Variants in ATP2B2 observed in about 807,000 individuals in gnomAD.
The protein encoded by ATP2B2 is plasma membrane calcium-transporting ATPase 2.
In ATP2B2, 15 loss-of-function variants were observed where a neutral mutation model predicts 120.0. The observed-to-expected ratio is 0.12, with a 90% CI of 0.08 to 0.19. The LOEUF (loss-of-function observed/expected upper bound fraction) is 0.19, where lower values mean the gene tolerates loss of function less well. ATP2B2 is among the 10% of genes least tolerant of loss of function. The probability of loss-of-function intolerance (pLI) is 1.00; values close to 1 mark genes in which losing one functional copy is unlikely to be tolerated. For synonymous variants in ATP2B2, 694 were observed against 700.3 expected, an observed-to-expected ratio of 0.99 and a Z score of 0.14; for missense variants, 1,045 against 1,719.8, an observed-to-expected ratio of 0.61 and a Z score of 6.94.
At chr3:10,640,205 C>T (rs531046470) in intron 1 of ATP2B2, among the ~76,000 whole-genome samples, 59 of 152,222 alleles carry the variant, frequency 3.9e-4, no homozygotes, top group South Asian at 1.7e-3. Flanking sequence ...GGATTTGAAC[C>T]GATGTCTATC....
intron 2 of ATP2B2, among the ~76,000 whole-genome samples, chr3:10,442,981 T>C (rs747524703): frequency 1.3e-5 from 2 of 152,186 alleles, no homozygotes; most frequent in African/African-American, 4.8e-5. Flanking sequence ...TAAGAAGTGG[T>C]GCCAGGATTT....
At chr3:10,619,761 G>A (rs1025653961) in intron 2 of ATP2B2, among the ~76,000 whole-genome samples, 7 of 152,184 alleles carry the variant, frequency 4.6e-5, no homozygotes, top group Non-Finnish European at 8.8e-5. Flanking sequence ...GGGAGGCTGA[G>A]TGTTGGGTAG....
At chr3:10,443,465 G>C (rs186536868) in intron 2 of ATP2B2, among the ~76,000 whole-genome samples, 1 of 152,168 alleles carries the variant, frequency 6.6e-6, no homozygotes, top group African/African-American at 2.4e-5. Flanking sequence ...CAGTGAGAGC[G>C]TAGTCTGGGA....
At chr3:10,694,295 C>G (rs779623278) in intron 1 of ATP2B2, among the ~76,000 whole-genome samples, 1 of 152,234 alleles carries the variant, frequency 6.6e-6, no homozygotes, top group South Asian at 2.1e-4. Context: ...AAGACTCCTT[C>G]GTACTACCCC....
intron 1 of ATP2B2, among the ~76,000 whole-genome samples, chr3:10,657,404 C>T (rs1193175934): frequency 6.6e-6 from 1 of 152,202 alleles, no homozygotes; most frequent in Non-Finnish European, 1.5e-5. Context: ...TTCCTTTGCC[C>T]TTTTTTGGAA....
intron 1 of ATP2B2, among the ~76,000 whole-genome samples, chr3:10,698,835 A>G (rs1454787693): frequency 6.6e-6 from 1 of 152,218 alleles, no homozygotes; most frequent in East Asian, 1.9e-4. Flanking sequence ...GCTCCTCTGT[A>G]AAATGGGGAT....
Position 10,375,722 on chromosome 3 carries a change from A to G in ATP2B2, c.1202-78T>C. 1 of 1,366,354 alleles carries G rather than the reference A, an allele frequency of 7.3e-7. No homozygotes were observed. The highest frequency in any genetic ancestry group is 1.9e-5 in the Admixed American group (1 of 52,912). The allele number at this position is 1,366,354 out of a possible 1,614,324, so 84.6% of individuals were successfully genotyped here. On this transcript the variant is annotated intron_variant, in intron 10 of 22. Coordinates refer to ENST00000360273, the MANE Select transcript of ATP2B2 (RefSeq NM_001001331.4). This position sits in a 1 kb window ranked among gnomAD's most constrained non-coding sequence, Gnocchi z 4.2. Reference sequence around the variant, plus strand: ...GTGGTGTGGACCAAATCTTTGGCTGAAAGAGCTCCGGGTCAGGCTGACCCC... The same window carrying G: ...GTGGTGTGGACCAAATCTTTGGCTGGAAGAGCTCCGGGTCAGGCTGACCCC...
chr3:10,594,740 T>TAATAATAATAAA (rs1200115606), intron 2 of ATP2B2, among the ~76,000 whole-genome samples: 3 of 138,592 alleles, frequency 2.2e-5, no homozygotes, highest in Admixed American at 7.3e-5. Flanking sequence ...ATAATAATAA[T>TAATAATAATAAA]AAAAGAAACA....
At chr3:10,663,011 A>G (rs533783523) in intron 1 of ATP2B2, among the ~76,000 whole-genome samples, 5 of 145,434 alleles carry the variant, frequency 3.4e-5, no homozygotes, top group Non-Finnish European at 7.4e-5. Context: ...CAAACATTGC[A>G]TGTTCTCACT....
chr3:10,386,061 G>C (rs903855180), intron 7 of ATP2B2, among the ~76,000 whole-genome samples: 1 of 152,246 alleles, frequency 6.6e-6, no homozygotes, highest in African/African-American at 2.4e-5. Context: ...TGTGGGTAGG[G>C]AATAGTGTTC....
At chr3:10,376,834 G>A (rs2061394154) in intron 10 of ATP2B2, among the ~76,000 whole-genome samples, 1 of 118,336 alleles carries the variant, frequency 8.5e-6, no homozygotes, top group African/African-American at 3.4e-5. Context: ...GGGAGTCACG[G>A]AGGAGGTTTG....
Position 10,325,852 on chromosome 3 carries a change from T to C in ATP2B2, c.*2962A>G, listed in dbSNP as rs2059848230. The C allele has an allele frequency of 6.6e-6, 1 of 152,184 alleles. No homozygotes were observed. Among genetic ancestry groups the C allele is most frequent in the Non-Finnish European group, 1.5e-5 (1 of 68,022 alleles). 9.4% of individuals were successfully genotyped at this position (152,184 alleles called of 1,614,324 possible). On this transcript the variant is annotated 3_prime_UTR_variant, in exon 23 of 23. Transcript: ENST00000360273. The stretch of plus-strand genomic sequence containing the variant: ...TGAGCTTAGCTCTCAGAACCAAATC[T>C]GCCACTTACTCCTGGAGCCCTTGTC...
At chr3:10,702,538 G>C (rs2071833723) in intron 1 of ATP2B2, among the ~76,000 whole-genome samples, 1 of 152,190 alleles carries the variant, frequency 6.6e-6, no homozygotes, top group Non-Finnish European at 1.5e-5. Context: ...GAATGGTATA[G>C]AGAGGATGGA....
At chr3:10,407,774 A>G (rs1410244558) in intron 3 of ATP2B2, among the ~76,000 whole-genome samples, 1 of 152,324 alleles carries the variant, frequency 6.6e-6, no homozygotes, top group East Asian at 1.9e-4. Flanking sequence ...GCGATCGGCC[A>G]CGTGGGGAGT....
intron 1 of ATP2B2, among the ~76,000 whole-genome samples, chr3:10,462,064 A>C (rs1396084062): frequency 6.6e-6 from 1 of 151,942 alleles, no homozygotes; most frequent in East Asian, 1.9e-4. Context: ...TGCCCTCTTA[A>C]TGCCTTGCCT....
chr3:10,398,318 C>T (rs1484673765), intron 5 of ATP2B2, among the ~76,000 whole-genome samples: 2 of 152,232 alleles, frequency 1.3e-5, no homozygotes, highest in Non-Finnish European at 2.9e-5. Flanking sequence ...GAGACCTTGG[C>T]TGATGTCTCC....
intron 3 of ATP2B2, among the ~76,000 whole-genome samples, chr3:10,533,812 G>C (rs542973771): frequency 1.4e-4 from 22 of 152,160 alleles, no homozygotes; most frequent in African/African-American, 5.3e-4. Flanking sequence ...CTCCTCCACA[G>C]TCTACACCAT....
chr3:10,406,019 T>A (rs948288013), intron 3 of ATP2B2, among the ~76,000 whole-genome samples: 1 of 152,306 alleles, frequency 6.6e-6, no homozygotes, highest in East Asian at 1.9e-4. Context: ...TACAAAATGA[T>A]GTTGGTAGAG....
At chr3:10,653,940 C>A (rs751616214) in intron 1 of ATP2B2, among the ~76,000 whole-genome samples, 9 of 152,058 alleles carry the variant, frequency 5.9e-5, no homozygotes, top group Non-Finnish European at 1.0e-4. Context: ...ACTTCCAATA[C>A]CCCCTTCTTC....
Sources: allele counts gnomAD v4.1 joint callset (sites outside exome capture counted in the v4.1 genomes callset), GRCh38; gene constraint gnomAD v4.1.1; non-coding constraint Gnocchi (gnomAD v3.1); transcripts MANE v1.5; gene names NCBI Gene and HGNC (gene_info 2026-07-23, HGNC 2026-07-21).